EFCAB6: variants seen among roughly 807,000 people sequenced by gnomAD.
EFCAB6 encodes EF-hand calcium-binding domain-containing protein 6.
A neutral mutation model predicts 169.8 loss-of-function variants in EFCAB6; 156 were observed. The ratio of observed to expected loss-of-function variants is 0.92; its 90% CI spans 0.81 to 1.05. The LOEUF (loss-of-function observed/expected upper bound fraction) is 1.05. Ranked by LOEUF, EFCAB6 falls within the 50% of genes least tolerant of loss-of-function variation. EFCAB6 has a pLI of 0.00. For missense variants in EFCAB6, 1,800 were observed against 1,829.1 expected (o/e 0.98, Z 0.29); for synonymous variants, 698 against 676.4 (o/e 1.03, Z -0.50).
rs964967333 is a variant in EFCAB6 at position 43,795,237 on chromosome 22, T to C, written c.-7-12912A>G. ...AAATATCAGAACACGTTTAGGACAA[T>C]GTCAAGAGAACAAGTACAGTGGGGC... On this transcript the variant is annotated intron_variant, in intron 2 of 31. Coordinates refer to ENST00000262726, the MANE Select transcript of EFCAB6 (RefSeq NM_022785.4). This position sits in a 1 kb window ranked among gnomAD's most constrained non-coding sequence, Gnocchi z 4.2. Among the ~76,000 whole-genome samples, 3 of 152,140 alleles carry C rather than the reference T, an allele frequency of 2.0e-5. No homozygotes were observed. The highest frequency in any genetic ancestry group is 2.0e-4 in the Admixed American group (3 of 15,274).
chr22:43,791,291 TA>T (rs978462863), intron 2 of EFCAB6, among the ~76,000 whole-genome samples: 1 of 151,204 alleles, frequency 6.6e-6, no homozygotes, highest in Non-Finnish European at 1.5e-5. Context: ...GAGGATCGCT[TA>T]AACCCGGCAG....
chr22:43,730,159 G>T (rs2059886342), intron 8 of EFCAB6, among the ~76,000 whole-genome samples: 1 of 142,314 alleles, frequency 7.0e-6, no homozygotes, highest in East Asian at 2.1e-4. Flanking sequence ...TCAAGCCTGG[G>T]CAACAGAGCA....
intron 13 of EFCAB6, among the ~76,000 whole-genome samples, chr22:43,676,571 T>C (rs990350936): frequency 1.3e-5 from 2 of 152,166 alleles, no homozygotes; most frequent in African/African-American, 4.8e-5. Flanking sequence ...ATTTTCACCT[T>C]TGTAGTTTGG....
intron 6 of EFCAB6, among the ~76,000 whole-genome samples, chr22:43,753,060 T>C (rs374860220): frequency 6.6e-6 from 1 of 152,290 alleles, no homozygotes; most frequent in South Asian, 2.1e-4. Context: ...TTTAGAGTTG[T>C]CTCCACTTTA....
In EFCAB6 at chr22:43,572,681, T is replaced by G. The variant is rs1177505666; in HGVS notation, c.3420+3616A>C. 2.0e-5 allele frequency among the ~76,000 whole-genome samples: 3 copies of G among 152,098 alleles called. No individual in the cohort carries two copies. In the East Asian group the frequency reaches 5.8e-4, roughly 29 times the overall value. ...GCTCACTCCCTCCCCTCCTCGTCGC[T>G]CGGATGTCACCCCTCGACAGGCCCT... On this transcript the variant is annotated intron_variant, in intron 26 of 31. Transcript: ENST00000262726. The surrounding 1 kb of genome is among the most constrained non-coding windows in gnomAD (Gnocchi z 4.0).
intron 10 of EFCAB6, among the ~76,000 whole-genome samples, chr22:43,710,919 T>C (rs2059138721): frequency 6.6e-6 from 1 of 152,134 alleles, no homozygotes; most frequent in South Asian, 2.1e-4. Context: ...ATGCAGATTG[T>C]AAGAAAGCCC....
intron 2 of EFCAB6, among the ~76,000 whole-genome samples, chr22:43,800,107 A>G (rs1373929943): frequency 1.3e-5 from 2 of 152,188 alleles, no homozygotes; most frequent in Admixed American, 6.5e-5. Context: ...AAAAGGAGAC[A>G]CCAAATCAGA....
chr22:43,614,920 A>C (rs1411151716), intron 21 of EFCAB6, among the ~76,000 whole-genome samples: 1 of 151,658 alleles, frequency 6.6e-6, no homozygotes, highest in African/African-American at 2.4e-5. Flanking sequence ...CAGACAGTCC[A>C]CTCTATGGAG....
chr22:43,630,415 A>C (rs1569280191), intron 19 of EFCAB6, among the ~76,000 whole-genome samples: 1 of 152,206 alleles, frequency 6.6e-6, no homozygotes, highest in Non-Finnish European at 1.5e-5. Context: ...AAAACACAGG[A>C]TATACGTTGG....
chr22:43,688,265 C>G (rs915103013), intron 10 of EFCAB6, among the ~76,000 whole-genome samples: 1 of 152,188 alleles, frequency 6.6e-6, no homozygotes, highest in Non-Finnish European at 1.5e-5. Flanking sequence ...AAAAGCCCTG[C>G]TGATTCCTTG....
At chr22:43,764,352 C>G (rs996944215) in intron 5 of EFCAB6, among the ~76,000 whole-genome samples, 13 of 152,184 alleles carry the variant, frequency 8.5e-5, no homozygotes, top group African/African-American at 1.4e-4. Context: ...TGGCCTCCAG[C>G]TGCAAAAGAC....
intron 30 of EFCAB6, chr22:43,533,349 C>T (rs1008947122): frequency 3.3e-5 from 5 of 152,252 alleles, no homozygotes; most frequent in African/African-American, 4.8e-5. Context: ...CACCCCACCC[C>T]TCACTTTGCC....
intron 10 of EFCAB6, among the ~76,000 whole-genome samples, chr22:43,708,764 G>A (rs1346639922): frequency 5.3e-5 from 8 of 150,506 alleles, no homozygotes; most frequent in Non-Finnish European, 8.9e-5. Flanking sequence ...ATAGTAAAGG[G>A]AACAGCTGAC....
At chr22:43,748,121 G>A (rs1013609223) in intron 6 of EFCAB6, among the ~76,000 whole-genome samples, 4 of 152,140 alleles carry the variant, frequency 2.6e-5, no homozygotes, top group Non-Finnish European at 5.9e-5. Flanking sequence ...GAGGGTGACC[G>A]ATGACTTCCA....
rs2050255116 is a variant in EFCAB6 at position 43,576,346 on chromosome 22, T to C, written c.3371A>G (p.Tyr1124Cys). The C allele has an allele frequency of 3.1e-6, 5 of 1,598,790 alleles. No homozygotes were observed. Among genetic ancestry groups the C allele is most frequent in the Admixed American group, 1.8e-5 (1 of 55,282 alleles). The change falls in exon 26 of 32, where the codon TAT (tyrosine) becomes TGT (cysteine). Residue 1124 changes from tyrosine to cysteine, a missense_variant. Coordinates refer to ENST00000262726, the MANE Select transcript of EFCAB6 (RefSeq NM_022785.4). ...CTGGAGAAAATATTTCCAATTTATATAGGGGGTTAGATGAATTCTTAGTTT... is the reference window on the plus strand; with the variant it reads ...CTGGAGAAAATATTTCCAATTTATACAGGGGGTTAGATGAATTCTTAGTTT... The part of the protein sequence containing the change: ...LRKLRIHLTP[Y>C]INWKYFLQNF...
intron 27 of EFCAB6, chr22:43,540,676 G>A (rs1178586999): frequency 8.7e-6 from 7 of 808,594 alleles, no homozygotes; most frequent in African/African-American, 3.6e-5. Context: ...CAGTGTATTC[G>A]AACATTTGGG....
chr22:43,663,178 A>G (rs2057087970), intron 17 of EFCAB6, among the ~76,000 whole-genome samples: 1 of 152,232 alleles, frequency 6.6e-6, no homozygotes, highest in Non-Finnish European at 1.5e-5. Context: ...ACTCATCATC[A>G]TTGTAATTAC....
chr22:43,714,940 G>A (rs2059281789), intron 9 of EFCAB6, among the ~76,000 whole-genome samples: 1 of 152,122 alleles, frequency 6.6e-6, no homozygotes. Flanking sequence ...ACAACAGGGG[G>A]AATTATGGCA....
At chr22:43,805,999 T>C (rs1357349021) in intron 2 of EFCAB6, among the ~76,000 whole-genome samples, 2 of 152,020 alleles carry the variant, frequency 1.3e-5, no homozygotes, top group Non-Finnish European at 2.9e-5. Context: ...ATCCTGACTC[T>C]ACTAAAAATA....
Sources: allele counts gnomAD v4.1 joint callset (sites outside exome capture counted in the v4.1 genomes callset), GRCh38; gene constraint gnomAD v4.1.1; non-coding constraint Gnocchi (gnomAD v3.1); transcripts MANE v1.5; gene names NCBI Gene and HGNC (gene_info 2026-07-23, HGNC 2026-07-21).